Variants in DYNC2I1 observed in about 807,000 individuals in gnomAD.
DYNC2I1 encodes cytoplasmic dynein 2 intermediate chain 1.
Under a neutral mutation model 133.4 loss-of-function variants are expected in DYNC2I1, and 89 were observed. That is an observed-to-expected ratio of 0.67 (90% CI 0.56 to 0.80). The LOEUF is 0.80. DYNC2I1 is among the 30% of genes least tolerant of loss of function. The pLI is 0.00. For synonymous variants in DYNC2I1, 504 were observed against 484.3 expected, an observed-to-expected ratio of 1.04 and a Z score of -0.54; for missense variants, 1,291 against 1,314.5, an observed-to-expected ratio of 0.98 and a Z score of 0.28.
the DYNC2I1 span, among the ~76,000 whole-genome samples, chr7:158,846,434 G>C: frequency 6.6e-6 from 1 of 152,058 alleles, no homozygotes; most frequent in Admixed American, 6.6e-5. Flanking sequence ...GGTTGTTCAA[G>C]AAAGAGGGAT....
intron 17 of DYNC2I1, among the ~76,000 whole-genome samples, chr7:158,925,837 A>G (rs1849556584): frequency 6.6e-6 from 1 of 151,924 alleles, no homozygotes; most frequent in South Asian, 2.1e-4. Flanking sequence ...CAGTTGTTTG[A>G]GTGGCCCCCA....
Position 158,926,171 on chromosome 7 carries a change from G to A in DYNC2I1, c.2258-16G>A, listed in dbSNP as rs1345376851. 6.3e-7 allele frequency: 1 copy of A among 1,596,512 alleles called. No individual in the cohort carries two copies. The highest frequency in any genetic ancestry group is 8.6e-7 in the Non-Finnish European group (1 of 1,166,494). ...TTACTACTTACACGTGGATGCTGTG[G>A]GCTTTTGAACTCCAGATGGAATCCT... On this transcript the variant is annotated splice_polypyrimidine_tract_variant and intron_variant, in intron 17 of 24. Coordinates refer to ENST00000407559, the MANE Select transcript of DYNC2I1 (RefSeq NM_018051.5).
At chr7:158,870,889 G>T (rs1022245849) in intron 2 of DYNC2I1, among the ~76,000 whole-genome samples, 2 of 152,152 alleles carry the variant, frequency 1.3e-5, no homozygotes, top group African/African-American at 4.8e-5. Context: ...GCCGATCAGT[G>T]TGAATGTCCA....
intron 1 of DYNC2I1, among the ~76,000 whole-genome samples, chr7:158,858,991 C>G (rs1257029260): frequency 2.3e-5 from 2 of 88,290 alleles, no homozygotes; most frequent in African/African-American, 9.0e-5. Context: ...CCCTCCCCCC[C>G]TTTCCTTTCC....
upstream of DYNC2I1, among the ~76,000 whole-genome samples, chr7:158,854,617 T>C (rs1028880478): frequency 3.9e-5 from 6 of 152,084 alleles, no homozygotes; most frequent in Non-Finnish European, 8.8e-5. Flanking sequence ...GTTCTGCACA[T>C]GTACCCCAGA....
rs556295358 is a variant in DYNC2I1 at position 158,870,741 on chromosome 7, G to A, written c.70-401G>A. 2.8e-3 allele frequency among the ~76,000 whole-genome samples: 420 copies of A among 152,144 alleles called. 2 individuals carry two copies. Among genetic ancestry groups the A allele is most frequent in the African/African-American group, 9.8e-3 (408 of 41,484 alleles). On this transcript the variant is annotated intron_variant, in intron 2 of 24. Coordinates refer to ENST00000407559, the MANE Select transcript of DYNC2I1 (RefSeq NM_018051.5). ...GGGTACAGGTGCAGGTTTCTTACAT[G>A]CATATCTTGTGGAGTGGTGAAGTCT... is the stretch of plus-strand genomic sequence containing the variant.
At chr7:158,867,345 A>G (rs1047560670) in intron 1 of DYNC2I1, among the ~76,000 whole-genome samples, 8 of 152,134 alleles carry the variant, frequency 5.3e-5, no homozygotes, top group African/African-American at 1.9e-4. Context: ...TTACTGTGGC[A>G]TGGTGATAAG....
chr7:158,910,374 G>T (rs954675937), intron 11 of DYNC2I1, among the ~76,000 whole-genome samples: 53 of 150,998 alleles, frequency 3.5e-4, no homozygotes, highest in African/African-American at 1.3e-3. Flanking sequence ...TGGGCTGAGG[G>T]CGATTGGAGG....
chr7:158,946,350 A>G (rs189728451), downstream of DYNC2I1, among the ~76,000 whole-genome samples: 94 of 152,374 alleles, frequency 6.2e-4, no homozygotes, highest in Admixed American at 1.4e-3. Flanking sequence ...TGAATTTTGT[A>G]GCTCAGGTAG....
chr7:158,930,415 C>T, intron 20 of DYNC2I1, 40 bp from the exon 21 acceptor site: 1 of 1,565,064 alleles, frequency 6.4e-7, no homozygotes, highest in Non-Finnish European at 8.8e-7. Context: ...GATTTAGCTT[C>T]TATTGAAAGG....
At chr7:158,926,838 TGTTA>T (rs1849679609) in intron 19 of DYNC2I1, among the ~76,000 whole-genome samples, 150 bp from the exon 20 acceptor site, 1 of 151,944 alleles carries the variant, frequency 6.6e-6, no homozygotes, top group Admixed American at 6.6e-5. Context: ...ACTTGTAGAG[TGTTA>T]GTTCTGAGGC....
At chr7:158,848,679 C>T in the DYNC2I1 span, among the ~76,000 whole-genome samples, 1 of 152,162 alleles carries the variant, frequency 6.6e-6, no homozygotes, top group African/African-American at 2.4e-5. Context: ...AATCCCAGCA[C>T]TTTGGGAGGC....
chr7:158,945,019 C>T lies in DYNC2I1; in HGVS notation c.3003-562C>T, dbSNP rs925104073. Among the ~76,000 whole-genome samples the T allele has an allele frequency of 6.6e-6, 1 of 152,028 alleles. No individual in the cohort carries two copies. Among genetic ancestry groups the T allele is most frequent in the Non-Finnish European group, 1.5e-5 (1 of 67,998 alleles). On this transcript the variant is annotated intron_variant, in intron 24 of 24. Transcript: ENST00000407559. The surrounding 1 kb of genome is among the most constrained non-coding windows in gnomAD (Gnocchi z 4.1). ...GAGAGGATTAGAGCTGGGGCCTGGTCAGGGAGCGTGTGGTCATCAGAGTGA... is the reference window on the plus strand; with the variant it reads ...GAGAGGATTAGAGCTGGGGCCTGGTTAGGGAGCGTGTGGTCATCAGAGTGA...
Position 158,879,776 on chromosome 7 carries a change from T to C in DYNC2I1, c.666T>C (p.Asp222=). 2 of 1,609,046 alleles carry C rather than the reference T, an allele frequency of 1.2e-6. No homozygotes were observed. Among genetic ancestry groups the C allele is most frequent in the Non-Finnish European group, 1.7e-6 (2 of 1,178,502 alleles). The change falls in exon 5 of 25, where the codon GAT becomes GAC. Residue 222 remains aspartate, a synonymous_variant. Transcript: ENST00000407559. ...GACACAGGAAGCCCAGAGAGCCAGA[T>C]CGAGACAACAAACACCGAGAAAAAA... is the stretch of plus-strand genomic sequence containing the variant. ...ERRHRKPREP[D]RDNKHREKSS...
intron 7 of DYNC2I1, among the ~76,000 whole-genome samples, chr7:158,889,500 C>T (rs767944585): frequency 5.3e-5 from 8 of 151,988 alleles, no homozygotes; most frequent in Middle Eastern, 3.2e-3. Flanking sequence ...TGGATGAAAA[C>T]GTATAGATTT....
At chr7:158,928,448 C>G (rs1202402476) in intron 20 of DYNC2I1, among the ~76,000 whole-genome samples, 1 of 152,138 alleles carries the variant, frequency 6.6e-6, no homozygotes, top group African/African-American at 2.4e-5. Context: ...CCACTTTGGC[C>G]CTTGGAGCAA....
chr7:158,867,036 T>G (rs1010829869), intron 1 of DYNC2I1, among the ~76,000 whole-genome samples: 3 of 133,748 alleles, frequency 2.2e-5, no homozygotes, highest in Admixed American at 7.6e-5. Context: ...TTTTTTTTTT[T>G]GAAACAAACC....
chr7:158,915,337 T>C (rs1186472633), intron 14 of DYNC2I1, among the ~76,000 whole-genome samples: 2 of 142,798 alleles, frequency 1.4e-5, no homozygotes, highest in Non-Finnish European at 3.0e-5. Context: ...TAAGGATGAT[T>C]GTGAAACGTC....
At chr7:158,868,592 G>A (rs1842618118) in intron 1 of DYNC2I1, among the ~76,000 whole-genome samples, 1 of 152,258 alleles carries the variant, frequency 6.6e-6, no homozygotes, top group Non-Finnish European at 1.5e-5. Flanking sequence ...GAGGAGCTTG[G>A]TGTGTATTTG....
Sources: gnomAD v4.1 joint callset for allele counts (sites outside exome capture counted in the v4.1 genomes callset) on GRCh38, gnomAD v4.1.1 for gene constraint, Gnocchi (gnomAD v3.1) non-coding constraint, MANE v1.5 for transcripts, NCBI Gene and HGNC (gene_info 2026-07-23, HGNC 2026-07-21) for gene names.